Variants in RIC1 observed in about 807,000 individuals in gnomAD.
The protein encoded by RIC1 is RIC1 partner of RAB6A GEF complex.
In RIC1, 88 loss-of-function variants were observed where a neutral mutation model predicts 169.0. The ratio of observed to expected loss-of-function variants is 0.52; its 90% confidence interval spans 0.44 to 0.62. RIC1 has a LOEUF of 0.62. RIC1 is among the 20% of genes least tolerant of loss of function. The pLI is 0.00. For synonymous variants in RIC1, 790 were observed against 601.5 expected, an observed-to-expected ratio of 1.31 and a Z score of -4.59; for missense variants, 1,877 against 1,725.5, an observed-to-expected ratio of 1.09 and a Z score of -1.56.
intron 2 of RIC1, among the ~76,000 whole-genome samples, chr9:5,660,138 G>A (rs879899988): frequency 6.6e-6 from 1 of 152,140 alleles, no homozygotes; most frequent in Non-Finnish European, 1.5e-5. Context: ...AGTTTGCTGA[G>A]GATAATGGTT....
Position 5,765,537 on chromosome 9 carries a change from G to C in RIC1, c.2965G>C (p.Glu989Gln). 6.2e-7 allele frequency: 1 copy of C among 1,612,314 alleles called. No individual in the cohort carries two copies. The change falls in exon 20 of 26, where the codon GAA becomes CAA. Residue 989 changes from glutamate to glutamine, a missense_variant. Coordinates refer to ENST00000414202, the MANE Select transcript of RIC1 (RefSeq NM_020829.4). ...IRFLKAIGSGESETPPSTPTA... is the reference protein window; with the variant it reads ...IRFLKAIGSGQSETPPSTPTA... The stretch of plus-strand genomic sequence containing the variant: ...ATTTCTTAAAGCCATTGGCTCTGGA[G>C]AATCTGAGACACCTCCATCCACACC...
chr9:5,767,437 T>C (rs1023808489), intron 21 of RIC1, among the ~76,000 whole-genome samples: 1 of 152,054 alleles, frequency 6.6e-6, no homozygotes, highest in African/African-American at 2.4e-5. Flanking sequence ...TTGTCTCATT[T>C]TTTTCCTTAC....
In RIC1 at chr9:5,765,415, A is replaced by C; in HGVS notation, c.2843A>C (p.Asn948Thr). 1 of 1,611,664 alleles carries C rather than the reference A, an allele frequency of 6.2e-7. No homozygotes were observed. The change falls in exon 20 of 26, where the codon AAT becomes ACT. Residue 948 changes from asparagine to threonine, a missense_variant and splice_region_variant. By Grantham distance (65) the Asn-to-Thr change is moderately conservative (BLOSUM62 0). Coordinates refer to ENST00000414202, the MANE Select transcript of RIC1 (RefSeq NM_020829.4). The part of the protein sequence containing the change: ...TAASYLIILQ[N>T]MEVPAVSRQH... Reference sequence around the variant, plus strand: ...TGCTGTCCTGGTTGTTTTTTGTAGAATATGGAAGTCCCTGCAGTAAGTAGG... The same window carrying C: ...TGCTGTCCTGGTTGTTTTTTGTAGACTATGGAAGTCCCTGCAGTAAGTAGG...
chr9:5,655,667 CAT>C (rs1183161939), intron 1 of RIC1, among the ~76,000 whole-genome samples: 1 of 152,080 alleles, frequency 6.6e-6, no homozygotes, highest in Non-Finnish European at 1.5e-5. Flanking sequence ...TTGAAATAAT[CAT>C]GTGATTTTTC....
At chr9:5,745,886 C>G (rs779180733) in intron 10 of RIC1, 45 bp from the exon 11 acceptor site, 21 of 1,549,006 alleles carry the variant, frequency 1.4e-5, no homozygotes, top group Non-Finnish European at 1.6e-5. Context: ...GATACAAAAG[C>G]CTTTTATTGC....
At chr9:5,730,295 G>A (rs1285282577) in intron 6 of RIC1, among the ~76,000 whole-genome samples, 1 of 152,162 alleles carries the variant, frequency 6.6e-6, no homozygotes, top group East Asian at 1.9e-4. Flanking sequence ...GAAGCCCTTA[G>A]AGAGCAAACA....
intron 1 of RIC1, among the ~76,000 whole-genome samples, chr9:5,646,373 C>T (rs77806277): frequency 0.013 from 1,908 of 152,168 alleles, 20 homozygotes; most frequent in Non-Finnish European, 0.018. Context: ...TTGAGATGTT[C>T]CTGTCAACAG....
chr9:5,732,252 T>C, intron 6 of RIC1, 136 bp from the exon 7 acceptor site: 2 of 659,478 alleles, frequency 3.0e-6, no homozygotes, highest in South Asian at 2.1e-5. Context: ...GTGGTAGTCC[T>C]GGTGGGATAT....
At chr9:5,757,260 A>G (rs1826064464) in intron 16 of RIC1, 53 bp from the exon 17 acceptor site, 4 of 1,598,836 alleles carry the variant, frequency 2.5e-6, no homozygotes, top group Non-Finnish European at 2.6e-6. Flanking sequence ...GAAAAGAAAG[A>G]AAATCTTATT....
Position 5,775,148 on chromosome 9 carries a change from C to T in RIC1, c.*902C>T, listed in dbSNP as rs1827509272. On this transcript the variant is annotated 3_prime_UTR_variant, in exon 26 of 26. Coordinates refer to ENST00000414202, the MANE Select transcript of RIC1 (RefSeq NM_020829.4). The stretch of plus-strand genomic sequence containing the variant: ...GGTCATGAAGTAACAGAAATGGTCA[C>T]ACTGATCATGAAATGCAGCAAGTTT... 6.6e-6 allele frequency: 1 copy of T among 152,166 alleles called. No individual in the cohort carries two copies. The highest frequency in any genetic ancestry group is 2.4e-5 in the African/African-American group (1 of 41,454). The allele number at this position is 152,166 out of a possible 1,614,324, so 9.4% of individuals were successfully genotyped here.
chr9:5,639,909 C>T (rs1385514421), intron 1 of RIC1, among the ~76,000 whole-genome samples: 1 of 152,050 alleles, frequency 6.6e-6, no homozygotes, highest in Non-Finnish European at 1.5e-5. Flanking sequence ...TTTTGGTTTC[C>T]ATTGGCATGT....
In RIC1 at chr9:5,763,276, TC is replaced by T. The variant is rs1563716663; in HGVS notation, c.2252del (p.Pro751LeufsTer29). 6.2e-7 allele frequency: 1 copy of T among 1,614,146 alleles called. No individual in the cohort carries two copies. On this transcript the variant is annotated frameshift_variant, in exon 19 of 26. Transcript: ENST00000414202. LOFTEE classifies it high-confidence loss of function. The surrounding 1 kb of genome is among the most constrained non-coding windows in gnomAD (Gnocchi z 5.2). ...SCGGAGMKVWLPLFPRDHRKP... is the reference protein window; with the variant it reads ...SCGGAGMKVWXPLFPRDHRKP... ...GGTGGTGCAGGGATGAAAGTTTGGC[TC>T]CCTCTCTTCCCTAGGGATCACCGCA...
intron 1 of RIC1, among the ~76,000 whole-genome samples, chr9:5,632,823 G>A (rs1817781381): frequency 6.6e-6 from 1 of 152,160 alleles, no homozygotes. Context: ...TATACTAACT[G>A]TGACTATGAA....
intron 13 of RIC1, 78 bp from the exon 14 acceptor site, chr9:5,753,458 G>T (rs1825835029): frequency 1.1e-6 from 1 of 918,438 alleles, no homozygotes; most frequent in South Asian, 1.5e-5. Context: ...CTGTTTGCCT[G>T]ACACAATACT....
intron 2 of RIC1, among the ~76,000 whole-genome samples, chr9:5,687,820 C>T (rs1166791009): frequency 1.3e-5 from 2 of 152,114 alleles, no homozygotes; most frequent in African/African-American, 4.8e-5. Context: ...TTTTCTGACT[C>T]TTACCCCTGT....
chr9:5,632,777 TTGTAC>T (rs1817778488), intron 1 of RIC1, among the ~76,000 whole-genome samples: 2 of 152,312 alleles, frequency 1.3e-5, no homozygotes, highest in South Asian at 4.1e-4. Flanking sequence ...GAATTACATT[TTGTAC>T]TGTACTGAGG....
intron 1 of RIC1, among the ~76,000 whole-genome samples, chr9:5,648,908 C>G (rs1294852443): frequency 6.6e-6 from 1 of 152,122 alleles, no homozygotes; most frequent in African/African-American, 2.4e-5. Flanking sequence ...TTTTTAGTTT[C>G]TTGTCAGATG....
intron 2 of RIC1, among the ~76,000 whole-genome samples, chr9:5,666,646 A>AT (rs907115143): frequency 6.6e-6 from 1 of 151,920 alleles, no homozygotes; most frequent in Non-Finnish European, 1.5e-5. Flanking sequence ...AGAAACGTGG[A>AT]TTTTTTCTTC....
chr9:5,633,338 A>G (rs1817810471), intron 1 of RIC1, among the ~76,000 whole-genome samples: 1 of 152,162 alleles, frequency 6.6e-6, no homozygotes, highest in Non-Finnish European at 1.5e-5. Flanking sequence ...AGCCTTCTTT[A>G]TAAATTCACT....
Sources: gnomAD v4.1 joint callset for allele counts (sites outside exome capture counted in the v4.1 genomes callset) on GRCh38, gnomAD v4.1.1 for gene constraint, Gnocchi (gnomAD v3.1) non-coding constraint, MANE v1.5 for transcripts, NCBI Gene and HGNC (gene_info 2026-07-23, HGNC 2026-07-21) for gene names.